The following CFAP91 variants were observed in gnomAD, a reference collection of about 807,000 sequenced individuals.
CFAP91 encodes cilia and flagella associated protein 91.
In CFAP91, 85 loss-of-function variants were observed where a neutral mutation model predicts 95.9. The observed-to-expected ratio is 0.89, with a 90% CI of 0.74 to 1.06. The LOEUF (loss-of-function observed/expected upper bound fraction) is 1.06. Among genes scored for constraint, CFAP91 ranks in the 50% least tolerant of loss-of-function variants. CFAP91 has a pLI of 0.00. For missense variants in CFAP91, 962 were observed against 943.4 expected (o/e 1.02, Z -0.26); for synonymous variants, 335 against 327.5 (o/e 1.02, Z -0.25).
chr3:119,717,550 G>GGT (rs1553706268), intron 6 of CFAP91, among the ~76,000 whole-genome samples: 21,783 of 130,012 alleles, frequency 0.17, 2,315 homozygotes, highest in Middle Eastern at 0.25. Context: ...AAATACGTTG[G>GGT]TTTTTTTTTT....
rs2053353970 is a variant in CFAP91, at chr3:119,706,077, CA to C, written c.125-730del. 3 of 152,272 alleles carry C rather than the reference CA, an allele frequency of 2.0e-5. No individual in the cohort carries two copies. The South Asian group carries it at 6.2e-4, about 32-fold the overall frequency. 9.4% of individuals were successfully genotyped at this position (152,272 alleles called of 1,614,324 possible). On this transcript the variant is annotated intron_variant, in intron 1 of 17. Transcript: ENST00000273390. ...GTCAGGGTATTTGCCTCCCCAGAGACAAGTCTACTTGGGAAATCAAGTGTAT... is the reference window on the plus strand; with the variant it reads ...GTCAGGGTATTTGCCTCCCCAGAGACAGTCTACTTGGGAAATCAAGTGTAT...
chr3:119,728,427 G>A (rs2053827966), intron 7 of CFAP91, among the ~76,000 whole-genome samples: 1 of 151,914 alleles, frequency 6.6e-6, no homozygotes, highest in Non-Finnish European at 1.5e-5. Context: ...ACTATTGTTA[G>A]AGCACTTCGT....
At chr3:119,761,748 A>C (rs2054541882) in intron 17 of CFAP91, among the ~76,000 whole-genome samples, 1 of 151,902 alleles carries the variant, frequency 6.6e-6, no homozygotes, top group Non-Finnish European at 1.5e-5. Flanking sequence ...ACATGATCTT[A>C]TCAATAGATT....
intron 6 of CFAP91, among the ~76,000 whole-genome samples, chr3:119,723,454 G>A (rs1323372453): frequency 6.6e-6 from 1 of 152,104 alleles, no homozygotes; most frequent in Non-Finnish European, 1.5e-5. Context: ...AAAATTAAAA[G>A]CAATCTAAAT....
At chr3:119,738,152 G>A (rs559360642) in intron 11 of CFAP91, among the ~76,000 whole-genome samples, 90 of 152,076 alleles carry the variant, frequency 5.9e-4, no homozygotes, top group African/African-American at 2.0e-3. Flanking sequence ...GTATTCAGAA[G>A]GCTGATGTGT....
intron 12 of CFAP91, among the ~76,000 whole-genome samples, chr3:119,739,796 C>A (rs1010115834): frequency 6.6e-5 from 10 of 152,168 alleles, no homozygotes; most frequent in African/African-American, 9.7e-5. Context: ...TATGCCCACA[C>A]TATTTATTCT....
At position 119,765,879 on chromosome 3, in the gene CFAP91, A is replaced by C. The variant is rs1352836364; in HGVS notation, c.*829A>C. ...GAAAACAAAGCTTATGTTAGAGAAT[A>C]TCTTACTGTAAGAAACAAGGAAAAT... On this transcript the variant is annotated 3_prime_UTR_variant, in exon 18 of 18. Transcript: ENST00000273390. The C allele has an allele frequency of 6.6e-6, 1 of 152,248 alleles. No individual in the cohort carries two copies. Among genetic ancestry groups the C allele is most frequent in the Non-Finnish European group, 1.5e-5 (1 of 68,040 alleles). 9.4% of individuals were successfully genotyped at this position (152,248 alleles called of 1,614,324 possible).
intron 6 of CFAP91, among the ~76,000 whole-genome samples, chr3:119,716,626 G>A (rs940499287): frequency 9.2e-5 from 14 of 152,044 alleles, no homozygotes; most frequent in Admixed American, 7.9e-4. Flanking sequence ...TTACTCTGTC[G>A]CCCAGGCTGG....
At chr3:119,708,221 C>G (rs973272586) in intron 3 of CFAP91, among the ~76,000 whole-genome samples, 1 of 147,578 alleles carries the variant, frequency 6.8e-6, no homozygotes, top group Non-Finnish European at 1.5e-5. Context: ...GTGGAGATTG[C>G]ACCACTGCAC....
At chr3:119,725,460 T>C (rs2053764389) in intron 6 of CFAP91, among the ~76,000 whole-genome samples, 1 of 152,210 alleles carries the variant, frequency 6.6e-6, no homozygotes, top group African/African-American at 2.4e-5. Context: ...TTTCTGTTAT[T>C]TTTTAAAAAA....
In CFAP91 at chr3:119,765,532, T is replaced by C. The variant is rs188324724; in HGVS notation, c.*482T>C. On this transcript the variant is annotated 3_prime_UTR_variant, in exon 18 of 18. Transcript: ENST00000273390. ...GGCATGACAAAAATATTTATAGTAGTGGTGTTCACAATAGTCCCAAACTGG... is the reference window on the plus strand; with the variant it reads ...GGCATGACAAAAATATTTATAGTAGCGGTGTTCACAATAGTCCCAAACTGG... 10 of 152,340 alleles carry C rather than the reference T, an allele frequency of 6.6e-5. No homozygotes were observed. Among genetic ancestry groups the C allele is most frequent in the Non-Finnish European group, 5.9e-5 (4 of 68,024 alleles). 9.4% of individuals were successfully genotyped at this position (152,340 alleles called of 1,614,324 possible). A position where few individuals can be genotyped will look rare whatever the true frequency, so the allele number is the denominator to read the frequency against.
rs1577239453 is a variant in CFAP91 at position 119,747,800 on chromosome 3, A to G, written c.2052-11A>G. On this transcript the variant is annotated splice_polypyrimidine_tract_variant and intron_variant, in intron 15 of 17. Coordinates refer to ENST00000273390, the MANE Select transcript of CFAP91 (RefSeq NM_033364.4). ...CCAAAGAAATAATTCAATTTGTTTT[A>G]TATTTTTTAGCCGAACCTATCTTCA... 6.2e-7 allele frequency: 1 copy of G among 1,608,872 alleles called. No homozygotes were observed. Among genetic ancestry groups the G allele is most frequent in the South Asian group, 1.1e-5 (1 of 90,412 alleles).
intron 10 of CFAP91, among the ~76,000 whole-genome samples, chr3:119,736,816 C>A (rs2054017866): frequency 6.6e-6 from 1 of 151,872 alleles, no homozygotes; most frequent in Non-Finnish European, 1.5e-5. Context: ...AGAATATAAC[C>A]ATGTCTAGTC....
At chr3:119,742,488 A>G (rs2054140735) in intron 13 of CFAP91, among the ~76,000 whole-genome samples, 1 of 152,246 alleles carries the variant, frequency 6.6e-6, no homozygotes, top group African/African-American at 2.4e-5. Context: ...GTGCCTACCC[A>G]GATTTCTTGC....
intron 1 of CFAP91, among the ~76,000 whole-genome samples, chr3:119,703,744 CA>C (rs1369143290): frequency 2.0e-5 from 3 of 152,114 alleles, no homozygotes; most frequent in African/African-American, 7.2e-5. Context: ...AATAAAACCC[CA>C]GTTTATTTTA....
chr3:119,730,398 A>C (rs778275774), intron 8 of CFAP91, 21 bp downstream of exon 8: 8 of 1,600,764 alleles, frequency 5.0e-6, no homozygotes, highest in Non-Finnish European at 6.8e-6. Context: ...AGTATGAACA[A>C]TGAAGACGGT....
chr3:119,763,917 G>A (rs1259997109), intron 17 of CFAP91, among the ~76,000 whole-genome samples: 1 of 152,042 alleles, frequency 6.6e-6, no homozygotes, highest in Admixed American at 6.6e-5. Flanking sequence ...TTGTAAAACC[G>A]TGGTGACTAT....
chr3:119,737,280 T>C, intron 10 of CFAP91, 86 bp from the exon 11 acceptor site: 1 of 728,368 alleles, frequency 1.4e-6, no homozygotes, highest in Non-Finnish European at 2.4e-6. Context: ...ATGTAATACA[T>C]TCATGTAAAA....
intron 12 of CFAP91, among the ~76,000 whole-genome samples, chr3:119,740,192 A>G (rs1210564454): frequency 1.3e-5 from 2 of 152,238 alleles, no homozygotes; most frequent in Non-Finnish European, 2.9e-5. Context: ...ATTGGAAAAA[A>G]ACATATGGCC....
Sources: allele counts gnomAD v4.1 joint callset (sites outside exome capture counted in the v4.1 genomes callset), GRCh38; gene constraint gnomAD v4.1.1; transcripts MANE v1.5; gene names NCBI Gene and HGNC (gene_info 2026-07-23, HGNC 2026-07-21).